Variants in PRKCA observed in about 807,000 individuals in gnomAD.
The protein encoded by PRKCA is protein kinase C alpha.
PRKCA carries 27 observed loss-of-function variants against 87.0 expected under a neutral mutation model. That is an observed-to-expected ratio of 0.31 (90% CI 0.23 to 0.43). The LOEUF is 0.43. PRKCA is among the 20% of genes least tolerant of loss of function. The pLI is 1.00. For synonymous variants in PRKCA, 329 were observed against 311.1 expected (o/e 1.06, Z -0.61); for missense variants, 518 against 852.3 (o/e 0.61, Z 4.88).
At chr17:66,631,341 C>T (rs994598493) in intron 3 of PRKCA, among the ~76,000 whole-genome samples, 2 of 152,042 alleles carry the variant, frequency 1.3e-5, no homozygotes, top group African/African-American at 4.8e-5. Context: ...AGGAAATAAC[C>T]TTATTTATAA....
At chr17:66,359,826 A>G (rs1908276412) in intron 2 of PRKCA, among the ~76,000 whole-genome samples, 1 of 152,226 alleles carries the variant, frequency 6.6e-6, no homozygotes. Flanking sequence ...AACTTGCACA[A>G]AAGCTCAAAG....
intron 2 of PRKCA, among the ~76,000 whole-genome samples, chr17:66,470,322 T>C (rs187243944): frequency 0.062 from 6,488 of 105,010 alleles, 232 homozygotes; most frequent in South Asian, 0.13. Context: ...GCCAACCTGG[T>C]TCAAGCGATT....
intron 4 of PRKCA, among the ~76,000 whole-genome samples, chr17:66,642,809 G>C (rs369330328): frequency 6.6e-6 from 1 of 152,112 alleles, no homozygotes; most frequent in Non-Finnish European, 1.5e-5. Context: ...TTGGGAGGCC[G>C]AGGCGGGAGG....
At chr17:66,368,386 ATTTTTTTTTT>A (rs1180540465) in intron 2 of PRKCA, among the ~76,000 whole-genome samples, 7 of 25,464 alleles carry the variant, frequency 2.7e-4, no homozygotes, top group African/African-American at 7.2e-4. Context: ...ATATATATAT[ATTTTTTTTTT>A]TTTTTTTTTT....
At chr17:66,374,577 G>GCAAA (rs1045208913) in intron 2 of PRKCA, among the ~76,000 whole-genome samples, 2 of 152,124 alleles carry the variant, frequency 1.3e-5, no homozygotes, top group Non-Finnish European at 2.9e-5. Flanking sequence ...AAGCAAGCAA[G>GCAAA]CAAACAATCA....
intron 3 of PRKCA, among the ~76,000 whole-genome samples, chr17:66,532,314 C>T (rs890834066): frequency 1.3e-5 from 2 of 149,384 alleles, no homozygotes; most frequent in African/African-American, 4.9e-5. Flanking sequence ...CCACCCCCAC[C>T]CACTGACTTG....
chr17:66,503,259 CT>C (rs1422953380), intron 3 of PRKCA, among the ~76,000 whole-genome samples: 1 of 152,112 alleles, frequency 6.6e-6, no homozygotes, highest in Non-Finnish European at 1.5e-5. Flanking sequence ...TGGGGAGAAA[CT>C]TTTCCCACAG....
intron 2 of PRKCA, among the ~76,000 whole-genome samples, chr17:66,355,331 C>CCT (rs1907986548): frequency 6.6e-6 from 1 of 152,158 alleles, no homozygotes; most frequent in Non-Finnish European, 1.5e-5. Context: ...GAGGCTCCTT[C>CCT]CTCTCCTTGC....
intron 13 of PRKCA, among the ~76,000 whole-genome samples, chr17:66,751,800 G>C (rs138107507): frequency 1.0e-3 from 156 of 152,140 alleles, no homozygotes; most frequent in African/African-American, 3.6e-3. Flanking sequence ...GGCTAGGGGG[G>C]GTCTCAGGAA....
intron 5 of PRKCA, among the ~76,000 whole-genome samples, chr17:66,647,493 G>A (rs1971484980): frequency 6.6e-6 from 1 of 152,182 alleles, no homozygotes; most frequent in Non-Finnish European, 1.5e-5. Context: ...AGCAAAACAT[G>A]TGCTATGCAT....
At chr17:66,520,780 T>G (rs779959585) in intron 3 of PRKCA, among the ~76,000 whole-genome samples, 5 of 152,126 alleles carry the variant, frequency 3.3e-5, no homozygotes, top group Non-Finnish European at 7.4e-5. Context: ...GACTGCTGAT[T>G]TCTGACTTTT....
intron 14 of PRKCA, chr17:66,775,476 C>A (rs1196832418): frequency 3.0e-6 from 3 of 984,904 alleles, no homozygotes; most frequent in Admixed American, 6.2e-5. Flanking sequence ...GCAGGGGAAG[C>A]AGGCTTGGTA....
chr17:66,327,211 C>CA (rs1348108648), intron 2 of PRKCA, among the ~76,000 whole-genome samples: 11 of 151,648 alleles, frequency 7.3e-5, no homozygotes, highest in Non-Finnish European at 1.6e-4. Context: ...CTAAAAAATA[C>CA]AAAAAATTAG....
At chr17:66,796,118 C>T (rs188710957) in intron 16 of PRKCA, among the ~76,000 whole-genome samples, 6 of 152,296 alleles carry the variant, frequency 3.9e-5, no homozygotes, top group African/African-American at 1.4e-4. Flanking sequence ...TTACTATTAA[C>T]ATGCTCTCTC....
intron 2 of PRKCA, among the ~76,000 whole-genome samples, chr17:66,482,367 C>T (rs191905194): frequency 2.0e-5 from 3 of 152,270 alleles, no homozygotes; most frequent in Non-Finnish European, 2.9e-5. Context: ...TGAGCTCACT[C>T]GCTGCTCACC....
chr17:66,469,857 A>G (rs1915245992), intron 2 of PRKCA, among the ~76,000 whole-genome samples: 1 of 152,196 alleles, frequency 6.6e-6, no homozygotes, highest in African/African-American at 2.4e-5. Flanking sequence ...CCCAGGGCCA[A>G]TGGCCAGAGT....
chr17:66,458,359 G>A (rs1914670242), intron 2 of PRKCA, among the ~76,000 whole-genome samples: 1 of 152,158 alleles, frequency 6.6e-6, no homozygotes, highest in East Asian at 1.9e-4. Context: ...CTGGAACACA[G>A]CCTAGACGCT....
In PRKCA at chr17:66,506,772, G is replaced by C. The variant is rs75572366; in HGVS notation, c.288+10489G>C. On this transcript the variant is annotated intron_variant, in intron 3 of 16. Transcript: ENST00000413366. ...TGGAATTTAGTTTAAGAAGTAGTGG[G>C]TGAGGCAATAGCTTTTGACTGGTTG... 2.1e-4 allele frequency among the ~76,000 whole-genome samples: 32 copies of C among 152,312 alleles called. No individual in the cohort carries two copies. In the East Asian group the frequency reaches 5.8e-3, roughly 28 times the overall value.
At chr17:66,763,440 A>G (rs1434777682) in intron 13 of PRKCA, among the ~76,000 whole-genome samples, 2 of 152,220 alleles carry the variant, frequency 1.3e-5, no homozygotes, top group Admixed American at 6.5e-5. Context: ...GAAAACGTTC[A>G]GGCCTGTCTT....
Sources: allele counts gnomAD v4.1 joint callset (sites outside exome capture counted in the v4.1 genomes callset), GRCh38; gene constraint gnomAD v4.1.1; transcripts MANE v1.5; gene names NCBI Gene and HGNC (gene_info 2026-07-23, HGNC 2026-07-21).